KIF1C: variants seen among roughly 807,000 people sequenced by gnomAD.
KIF1C encodes the protein kinesin family member 1C.
A neutral mutation model predicts 126.5 loss-of-function variants in KIF1C; 61 were observed. That is an observed-to-expected ratio of 0.48 (90% CI 0.39 to 0.60). The LOEUF (loss-of-function observed/expected upper bound fraction) is 0.60. Ranked by LOEUF, KIF1C falls within the 20% of genes least tolerant of loss-of-function variation. KIF1C has a pLI of 0.00. For missense variants in KIF1C, 1,315 were observed against 1,489.2 expected, an observed-to-expected ratio of 0.88 and a Z score of 1.93; for synonymous variants, 640 against 580.6, an observed-to-expected ratio of 1.10 and a Z score of -1.47.
intron 18 of KIF1C, among the ~76,000 whole-genome samples, chr17:5,018,000 A>G (rs954531552): frequency 6.6e-6 from 1 of 151,842 alleles, no homozygotes; most frequent in African/African-American, 2.4e-5. Context: ...TTATTTTTTG[A>G]GACAGGGTCT....
At chr17:5,019,789 A>C in intron 18 of KIF1C, 6 of 580,750 alleles carry the variant, frequency 1.0e-5, no homozygotes, top group Non-Finnish European at 1.6e-5. Flanking sequence ...GCTTCTGGGA[A>C]TTGTAGTTGG....
chr17:5,002,884 T>G, intron 8 of KIF1C, 42 bp downstream of exon 8: 4 of 1,268,910 alleles, frequency 3.2e-6, no homozygotes, highest in Non-Finnish European at 4.2e-6. Context: ...GGATGCAACC[T>G]CCCCTGGCAA....
Position 5,024,059 on chromosome 17 carries a change from C to G in KIF1C, c.3220C>G (p.Pro1074Ala). ...PPQPYPAQRP[P>A]GPRYPPYTTP... ...CCAACCCTACCCAGCCCAGCGGCCC[C>G]CAGGGCCCCGCTACCCCCCATACAC... is the stretch of plus-strand genomic sequence containing the variant. The change falls in exon 23 of 23, where the codon CCA becomes GCA. Residue 1074 changes from proline to alanine, a missense_variant. Pro to Ala is a conservative substitution (Grantham distance 27, BLOSUM62 -1). Transcript: ENST00000320785. The G allele has an allele frequency of 6.3e-7, 1 of 1,586,210 alleles. No homozygotes were observed. Among genetic ancestry groups the G allele is most frequent in the South Asian group, 1.1e-5 (1 of 87,982 alleles).
At chr17:5,004,193 C>CA (rs1049851827) in intron 11 of KIF1C, 120 bp downstream of exon 11, 7 of 804,882 alleles carry the variant, frequency 8.7e-6, no homozygotes, top group African/African-American at 5.1e-5. Flanking sequence ...ACTTCTCCCC[C>CA]TGACCCTTCA....
rs765525997 is a variant in KIF1C, at chr17:5,007,031, T to C, written c.1282T>C (p.Ser428Pro). ...TAATGGGGAGCTGGAGCCGTCATTC[T>C]CCCCCAACACGGAGTCCCAGATTGG... ...THNGELEPSF[S>P]PNTESQIGPE... The change falls in exon 14 of 23, where the codon TCC (serine) becomes CCC (proline). Residue 428 changes from serine to proline, a missense_variant. By Grantham distance (74) the Ser-to-Pro change is moderately conservative. Around this residue, in one of 2 missense-constraint regions of KIF1C, gnomAD observed 874 missense variants for 1,053.2 expected, o/e 0.83. Transcript: ENST00000320785. The C allele has an allele frequency of 9.3e-6, 15 of 1,608,280 alleles. No individual in the cohort carries two copies. Among genetic ancestry groups the C allele is most frequent in the Middle Eastern group, 1.7e-4 (1 of 6,030 alleles).
intron 11 of KIF1C, 110 bp downstream of exon 11, chr17:5,004,183 A>T: frequency 3.5e-6 from 3 of 854,108 alleles, no homozygotes; most frequent in South Asian, 2.7e-5. Flanking sequence ...CCGTTGTCTT[A>T]CTTCTCCCCC....
chr17:5,008,983 C>G (rs908131638), intron 16 of KIF1C, among the ~76,000 whole-genome samples: 1 of 152,034 alleles, frequency 6.6e-6, no homozygotes, highest in African/African-American at 2.4e-5. Flanking sequence ...CTGCCAAAGC[C>G]TGGGGACCAA....
rs372339577 is a variant in KIF1C, at chr17:5,001,393, G to T, written c.355G>T (p.Val119Leu). ...ACAGGAGCCAGGGCAGCAGGGCATC[G>T]TGCCCCAGGTACGCCTAGGACCTGG... ...GRQEPGQQGI[V>L]PQLCEDLFSR... The change falls in exon 5 of 23, where the codon GTG (valine) becomes TTG (leucine). Residue 119 changes from valine (V) to leucine (L), a missense_variant. Transcript: ENST00000320785. The T allele has an allele frequency of 6.2e-7, 1 of 1,613,730 alleles. No individual in the cohort carries two copies. Among genetic ancestry groups the T allele is most frequent in the South Asian group, 1.1e-5 (1 of 91,072 alleles).
At position 5,023,747 on chromosome 17, in the gene KIF1C, G is replaced by A. The variant is rs766450219; in HGVS notation, c.2908G>A (p.Val970Met). The A allele has an allele frequency of 4.6e-6, 7 of 1,523,626 alleles. No individual in the cohort carries two copies. The Admixed American group carries it at 1.3e-4, about 29-fold the overall frequency. 94.4% of individuals were successfully genotyped at this position (1,523,626 alleles called of 1,614,324 possible). A position where few individuals can be genotyped will look rare whatever the true frequency, so the allele number is the denominator to read the frequency against. ...GCTGCGCAGGCCCCCAGCCCGCTTT[G>A]TGCCCCCTCACGACTGCAAGCTACG... ...GGLRRPPARF[V>M]PPHDCKLRFP... Residue 970 changes from valine (V) to methionine (M), a missense_variant, in exon 23 of 23, where the codon GTG becomes ATG. This residue lies in a region of KIF1C where 441 missense variants were observed against 436.1 expected (regional missense o/e 1.01). Coordinates refer to ENST00000320785, the MANE Select transcript of KIF1C (RefSeq NM_006612.6). This position sits in a 1 kb window ranked among gnomAD's most constrained non-coding sequence, Gnocchi z 4.2.
intron 12 of KIF1C, 68 bp downstream of exon 12, chr17:5,004,713 G>T: frequency 6.3e-7 from 1 of 1,587,052 alleles, no homozygotes; most frequent in East Asian, 2.2e-5. Flanking sequence ...GAGGCGAGTT[G>T]CTCAGGACCC....
intron 1 of KIF1C, among the ~76,000 whole-genome samples, chr17:4,999,547 T>A (rs1057212088): frequency 6.6e-6 from 1 of 152,028 alleles, no homozygotes; most frequent in Non-Finnish European, 1.5e-5. Context: ...TCTCTGCCCC[T>A]CCTCTCTCTC....
Position 5,000,759 on chromosome 17 carries a change from TC to T in KIF1C, c.107-11del. 1 of 1,613,590 alleles carries T rather than the reference TC, an allele frequency of 6.2e-7. No individual in the cohort carries two copies. The highest frequency in any genetic ancestry group is 8.5e-7 in the Non-Finnish European group (1 of 1,179,590). Reference sequence around the variant, plus strand: ...CCTTGACTTTCCTTCCTTTACCCTCTCCTGCCCCTCAGCCATCATCAATCCT... The same window carrying T: ...CCTTGACTTTCCTTCCTTTACCCTCTCTGCCCCTCAGCCATCATCAATCCT... On this transcript the variant is annotated splice_polypyrimidine_tract_variant and intron_variant, in intron 3 of 22. Transcript: ENST00000320785.
chr17:4,998,285 G>A (rs955659990), intron 1 of KIF1C, 129 bp downstream of exon 1: 18 of 152,074 alleles, frequency 1.2e-4, no homozygotes, highest in Admixed American at 5.2e-4. Flanking sequence ...TTGTTCCGCG[G>A]AGGCGCAGAG....
chr17:5,007,254 C>T lies in KIF1C; in HGVS notation c.1336-9C>T, dbSNP rs757038291. On this transcript the variant is annotated splice_polypyrimidine_tract_variant and intron_variant, in intron 14 of 22. Coordinates refer to ENST00000320785, the MANE Select transcript of KIF1C (RefSeq NM_006612.6). ...ACCATCCTGAAACCTACCCACCTTA[C>T]GCCCCCAGGAGACAGAGAAGATTAT... 8.7e-6 allele frequency: 14 copies of T among 1,603,818 alleles called. No homozygotes were observed. The East Asian group carries it at 9.0e-5, about 10-fold the overall frequency.
Position 5,007,278 on chromosome 17 carries a change from A to G in KIF1C, c.1351A>G (p.Ile451Val), listed in dbSNP as rs746470176. 2 of 1,610,148 alleles carry G rather than the reference A, an allele frequency of 1.2e-6. No individual in the cohort carries two copies. Among genetic ancestry groups the G allele is most frequent in the Non-Finnish European group, 1.7e-6 (2 of 1,178,086 alleles). ...ACGCCCCCAGGAGACAGAGAAGATT[A>G]TAGCTGAGCTGAACGAGACATGGGA... is the stretch of plus-strand genomic sequence containing the variant. ...MERLQETEKI[I>V]AELNETWEEK... is the part of the protein sequence containing the mutation. Residue 451 changes from isoleucine (I) to valine (V), a missense_variant, in exon 15 of 23, where the codon ATA (isoleucine) becomes GTA (valine). This residue lies in a region of KIF1C where 874 missense variants were observed against 1,053.2 expected (regional missense o/e 0.83). Transcript: ENST00000320785.
chr17:5,002,391 G>A (rs1567719976), intron 6 of KIF1C, 73 bp from the exon 7 acceptor site: 2 of 1,391,350 alleles, frequency 1.4e-6, no homozygotes, highest in Non-Finnish European at 2.0e-6. Context: ...ATCGTGTCCA[G>A]TGGAGTCAGA....
At position 5,004,549 on chromosome 17, in the gene KIF1C, C is replaced by T. The variant is rs1974680958; in HGVS notation, c.941-18C>T. 9 of 1,613,020 alleles carry T rather than the reference C, an allele frequency of 5.6e-6. No individual in the cohort carries two copies. Among genetic ancestry groups the T allele is most frequent in the Non-Finnish European group, 7.6e-6 (9 of 1,179,054 alleles). On this transcript the variant is annotated intron_variant, in intron 11 of 22. Transcript: ENST00000320785. Reference sequence around the variant, plus strand: ...GCCCCTCCCTCAGCTGAAGCTTTTCCATGCACTCCATTCACAGGGGGGAAC... The same window carrying T: ...GCCCCTCCCTCAGCTGAAGCTTTTCTATGCACTCCATTCACAGGGGGGAAC...
chr17:5,009,799 A>G (rs540017017), intron 16 of KIF1C, among the ~76,000 whole-genome samples: 2 of 151,796 alleles, frequency 1.3e-5, no homozygotes, highest in Non-Finnish European at 2.9e-5. Flanking sequence ...AAAAAAAAAA[A>G]AGAAAAAATG....
Position 5,002,577 on chromosome 17 carries a change from G to A in KIF1C, c.543G>A (p.Leu181=). The change falls in exon 7 of 23, where the codon CTG becomes CTA. Residue 181 remains leucine, a synonymous_variant. Coordinates refer to ENST00000320785, the MANE Select transcript of KIF1C (RefSeq NM_006612.6). The stretch of plus-strand genomic sequence containing the variant: ...TCCTGGGCCCGTACGTGCAGGACCT[G>A]TCCAAATTGGCTGTGACCTCCTACG... ...HPILGPYVQD[L]SKLAVTSYAD... is the part of the protein sequence containing the mutation. The A allele has an allele frequency of 1.9e-6, 3 of 1,614,076 alleles. No homozygotes were observed. Among genetic ancestry groups the A allele is most frequent in the Non-Finnish European group, 2.5e-6 (3 of 1,179,944 alleles).
Sources: gnomAD v4.1 joint callset for allele counts (sites outside exome capture counted in the v4.1 genomes callset) on GRCh38, gnomAD v4.1.1 for gene constraint, gnomAD v4.1.1 regional missense constraint, Gnocchi (gnomAD v3.1) non-coding constraint, MANE v1.5 for transcripts, NCBI Gene and HGNC (gene_info 2026-07-23, HGNC 2026-07-21) for gene names.